Variants in LCMT1 observed in about 807,000 individuals in gnomAD.
The protein encoded by LCMT1 is [Phosphatase 2A protein]-leucine-carboxy methyltransferase 1.
LCMT1 carries 32 observed loss-of-function variants against 47.7 expected under a neutral mutation model. That is an observed-to-expected ratio of 0.67 (90% CI 0.51 to 0.90). LCMT1 has a LOEUF of 0.90. Among genes scored for constraint, LCMT1 ranks in the 40% least tolerant of loss-of-function variants. The pLI is 0.00. For synonymous variants in LCMT1, 152 were observed against 149.7 expected (o/e 1.02, Z -0.11); for missense variants, 375 against 415.2 (o/e 0.90, Z 0.84).
chr16:25,153,791 A>G (rs1447972743), intron 5 of LCMT1, among the ~76,000 whole-genome samples: 2 of 151,960 alleles, frequency 1.3e-5, no homozygotes, highest in Non-Finnish European at 2.9e-5. Context: ...CGTCTCTACT[A>G]AAAATACAAA....
intron 3 of LCMT1, among the ~76,000 whole-genome samples, chr16:25,133,976 GA>G (rs1960428703): frequency 6.7e-6 from 1 of 150,022 alleles, no homozygotes; most frequent in Non-Finnish European, 1.5e-5. Context: ...TGGTTGCAGT[GA>G]GTCGAGATCA....
chr16:25,127,269 T>A (rs2141642021), intron 1 of LCMT1, among the ~76,000 whole-genome samples: 1 of 152,366 alleles, frequency 6.6e-6, no homozygotes, highest in Non-Finnish European at 1.5e-5. Context: ...ATTGATTTTA[T>A]TGTATTAATG....
chr16:25,150,323 T>C (rs1044027393), intron 4 of LCMT1, among the ~76,000 whole-genome samples: 3 of 149,754 alleles, frequency 2.0e-5, no homozygotes, highest in African/African-American at 4.9e-5. Context: ...GGCATCTTCA[T>C]AGTTTTCTGG....
At chr16:25,112,838 C>T (rs941531007) in intron 1 of LCMT1, among the ~76,000 whole-genome samples, 9 of 151,894 alleles carry the variant, frequency 5.9e-5, no homozygotes, top group African/African-American at 2.2e-4. Context: ...GTAATTTTGT[C>T]AGTGATGTTT....
chr16:25,129,122 G>A (rs1426002158), intron 2 of LCMT1, among the ~76,000 whole-genome samples: 1 of 150,422 alleles, frequency 6.6e-6, no homozygotes, highest in Non-Finnish European at 1.5e-5. Flanking sequence ...ATGGCTTCCA[G>A]CTTCATCCAT....
At chr16:25,169,234 A>T in intron 8 of LCMT1, 21 bp downstream of exon 8, 1 of 1,501,888 alleles carries the variant, frequency 6.7e-7, no homozygotes, top group Non-Finnish European at 9.3e-7. Context: ...AGGGACTGGG[A>T]TATCCATTTG....
chr16:25,122,692 T>A (rs1352542926), intron 1 of LCMT1, among the ~76,000 whole-genome samples: 2 of 152,208 alleles, frequency 1.3e-5, no homozygotes, highest in Non-Finnish European at 2.9e-5. Context: ...TGCTGATTTG[T>A]AAGAACTTTT....
chr16:25,173,003 G>A (rs1020862786), intron 9 of LCMT1, among the ~76,000 whole-genome samples: 4 of 152,350 alleles, frequency 2.6e-5, no homozygotes, highest in East Asian at 1.9e-4. Context: ...TAACCCTCAC[G>A]GGGGAGGCGG....
At chr16:25,134,119 G>A (rs538291072) in intron 3 of LCMT1, among the ~76,000 whole-genome samples, 3 of 149,954 alleles carry the variant, frequency 2.0e-5, no homozygotes, top group African/African-American at 7.4e-5. Context: ...TGTCAGGTCC[G>A]TCATGTGACA....
chr16:25,134,799 C>T (rs1158367490), intron 3 of LCMT1, among the ~76,000 whole-genome samples: 1 of 152,146 alleles, frequency 6.6e-6, no homozygotes, highest in East Asian at 1.9e-4. Flanking sequence ...TAGCATTTTA[C>T]TGTGTTGGCC....
intron 5 of LCMT1, among the ~76,000 whole-genome samples, chr16:25,159,520 C>A (rs746787898): frequency 6.6e-6 from 1 of 152,182 alleles, no homozygotes; most frequent in Non-Finnish European, 1.5e-5. Context: ...CCTGCTTGGG[C>A]CTCCCAAGTT....
At chr16:25,112,163 T>C (rs1243389592) in intron 1 of LCMT1, among the ~76,000 whole-genome samples, 167 bp downstream of exon 1, 5 of 152,202 alleles carry the variant, frequency 3.3e-5, no homozygotes, top group Admixed American at 2.6e-4. Flanking sequence ...TTCATTTATT[T>C]AACGAATCGT....
chr16:25,135,391 A>C (rs531954032), intron 3 of LCMT1, among the ~76,000 whole-genome samples: 4 of 152,086 alleles, frequency 2.6e-5, no homozygotes, highest in African/African-American at 9.7e-5. Context: ...TTTGTAAATA[A>C]AGTTTTATTG....
At chr16:25,133,463 A>G (rs910636964) in intron 3 of LCMT1, among the ~76,000 whole-genome samples, 3 of 133,180 alleles carry the variant, frequency 2.3e-5, no homozygotes, top group South Asian at 2.4e-4. Flanking sequence ...CAATGCCACA[A>G]TCTTGGCTCA....
chr16:25,133,950 T>C (rs997921112), intron 3 of LCMT1, among the ~76,000 whole-genome samples: 9 of 151,210 alleles, frequency 6.0e-5, no homozygotes, highest in African/African-American at 2.2e-4. Flanking sequence ...GAGAATTGCT[T>C]GAACCCAGGA....
At chr16:25,164,778 C>T in intron 7 of LCMT1, 60 bp downstream of exon 7, 1 of 1,608,220 alleles carries the variant, frequency 6.2e-7, no homozygotes, top group Non-Finnish European at 8.5e-7. Context: ...GCTTCCCTCT[C>T]CCAGCACCCT....
At chr16:25,128,014 T>A (rs1181265133) in intron 1 of LCMT1, among the ~76,000 whole-genome samples, 2 of 152,234 alleles carry the variant, frequency 1.3e-5, no homozygotes, top group East Asian at 3.8e-4. Flanking sequence ...GATTGGCACC[T>A]AATACAGAGT....
intron 5 of LCMT1, among the ~76,000 whole-genome samples, chr16:25,157,393 A>C (rs765771539): frequency 2.6e-5 from 4 of 151,996 alleles, no homozygotes; most frequent in Non-Finnish European, 5.9e-5. Flanking sequence ...ATCTATACAA[A>C]TAATAAAAAA....
chr16:25,162,588 C>CAAAAAAAAAAAAAAAA, intron 6 of LCMT1, among the ~76,000 whole-genome samples: 1 of 78,806 alleles, frequency 1.3e-5, no homozygotes, highest in East Asian at 3.6e-4. Context: ...GACTCCATCT[C>CAAAAAAAAAAAAAAAA]AAAAAAAAAA....
Sources: allele counts gnomAD v4.1 joint callset (sites outside exome capture counted in the v4.1 genomes callset), GRCh38; gene constraint gnomAD v4.1.1; transcripts MANE v1.5; gene names NCBI Gene and HGNC (gene_info 2026-07-23, HGNC 2026-07-21).